CAMTA1: variants seen among roughly 807,000 people sequenced by gnomAD.
CAMTA1 encodes calmodulin binding transcription activator 1.
In CAMTA1, 27 loss-of-function variants were observed where a neutral mutation model predicts 170.9. The observed-to-expected ratio is 0.16, with a 90% CI of 0.12 to 0.22. The LOEUF is 0.22. Ranked by LOEUF, CAMTA1 falls within the 10% of genes least tolerant of loss-of-function variation. The pLI is 1.00. For missense variants in CAMTA1, 1,619 were observed against 2,217.2 expected, an observed-to-expected ratio of 0.73 and a Z score of 5.42; for synonymous variants, 833 against 891.5, an observed-to-expected ratio of 0.93 and a Z score of 1.17.
At chr1:7,340,548 G>GCCTC (rs1455641860) in intron 5 of CAMTA1, among the ~76,000 whole-genome samples, 6 of 102,570 alleles carry the variant, frequency 5.8e-5, no homozygotes, top group East Asian at 5.9e-4. Context: ...CTGCCTGCCT[G>GCCTC]CCTGCCTCCC....
At chr1:7,704,583 GC>G (rs980559288) in intron 11 of CAMTA1, among the ~76,000 whole-genome samples, 5 of 148,712 alleles carry the variant, frequency 3.4e-5, no homozygotes, top group Admixed American at 6.7e-5. Context: ...GCGGCTCCGC[GC>G]CCCGCACCAG....
In CAMTA1 at chr1:7,737,510, G is replaced by A. The variant is rs143998910; in HGVS notation, c.3598G>A (p.Glu1200Lys). The change falls in exon 15 of 23, where the codon GAA becomes AAA. Residue 1200 changes from glutamate to lysine, a missense_variant. By Grantham distance (56) the Glu-to-Lys change is moderately conservative. This residue lies in a region of CAMTA1 where 370 missense variants were observed against 429.4 expected (regional missense o/e 0.86). Transcript: ENST00000303635. ...TESWMAQWHS[E>K]AISSPEIPKG... ...GAGCTGGATGGCCCAGTGGCACAGCGAAGCCATCAGCTCTCCAGAAATACC... is the reference window on the plus strand; with the variant it reads ...GAGCTGGATGGCCCAGTGGCACAGCAAAGCCATCAGCTCTCCAGAAATACC... 106 of 1,614,010 alleles carry A rather than the reference G, an allele frequency of 6.6e-5. 1 individual carries two copies. In the Middle Eastern group the frequency reaches 1.2e-3, roughly 18 times the overall value.
chr1:6,965,997 G>A lies in CAMTA1; in HGVS notation c.235-125307G>A, dbSNP rs1691453668. Among the ~76,000 whole-genome samples, 1 of 151,996 alleles carries A rather than the reference G, an allele frequency of 6.6e-6. No homozygotes were observed. Among genetic ancestry groups the A allele is most frequent in the Non-Finnish European group, 1.5e-5 (1 of 68,012 alleles). On this transcript the variant is annotated intron_variant, in intron 3 of 22. Coordinates refer to ENST00000303635, the MANE Select transcript of CAMTA1 (RefSeq NM_015215.4). The surrounding 1 kb of genome is among the most constrained non-coding windows in gnomAD (Gnocchi z 4.1). ...GGTCAAGAACAAGCTAGGGCTTTGG[G>A]AGTGTGTGGGGGATCTCGGGGATGG...
intron 6 of CAMTA1, among the ~76,000 whole-genome samples, chr1:7,557,128 C>G (rs547008969): frequency 1.3e-5 from 2 of 151,950 alleles, no homozygotes; most frequent in Non-Finnish European, 2.9e-5. Flanking sequence ...GGCAACATGG[C>G]GAAACCCGGC....
chr1:7,570,320 C>T lies in CAMTA1; in HGVS notation c.511-70080C>T, dbSNP rs2095110116. On this transcript the variant is annotated intron_variant, in intron 6 of 22. Transcript: ENST00000303635. The surrounding 1 kb of genome is among the most constrained non-coding windows in gnomAD (Gnocchi z 4.3). ...AAAGTTCCTACATTCCACTGTAGGT[C>T]AATTACACTGTAACCTGAATTGGGG... Among the ~76,000 whole-genome samples the T allele has an allele frequency of 2.6e-5, 4 of 152,188 alleles. No homozygotes were observed. Among genetic ancestry groups the T allele is most frequent in the Admixed American group, 2.0e-4 (3 of 15,286 alleles).
At chr1:7,215,552 C>A (rs926351719) in intron 4 of CAMTA1, among the ~76,000 whole-genome samples, 7 of 152,152 alleles carry the variant, frequency 4.6e-5, no homozygotes, top group Non-Finnish European at 1.0e-4. Context: ...CACCACCACA[C>A]CTGGCTAATT....
At chr1:7,514,788 G>A (rs532155352) in intron 6 of CAMTA1, among the ~76,000 whole-genome samples, 1 of 152,270 alleles carries the variant, frequency 6.6e-6, no homozygotes, top group Non-Finnish European at 1.5e-5. Flanking sequence ...GAGCTGTGGG[G>A]CCTGGAGTGC....
chr1:7,002,023 A>T lies in CAMTA1; in HGVS notation c.235-89281A>T, dbSNP rs1264926446. Among the ~76,000 whole-genome samples, 4 of 151,336 alleles carry T rather than the reference A, an allele frequency of 2.6e-5. No individual in the cohort carries two copies. In the East Asian group the frequency reaches 7.8e-4, roughly 29 times the overall value. On this transcript the variant is annotated intron_variant, in intron 3 of 22. Transcript: ENST00000303635. ...GCAATTCTCCTGCCTCAGCATCCTG[A>T]GTAGCTGAGATTACAGGCGCCTACC...
chr1:7,177,767 C>G (rs756827265), intron 4 of CAMTA1, among the ~76,000 whole-genome samples: 9 of 151,324 alleles, frequency 5.9e-5, no homozygotes, highest in Non-Finnish European at 1.3e-4. Flanking sequence ...AAAGCCCTGC[C>G]CACACGCCAA....
chr1:6,913,920 G>A (rs1283349311), intron 3 of CAMTA1, among the ~76,000 whole-genome samples: 2 of 152,062 alleles, frequency 1.3e-5, no homozygotes, highest in East Asian at 3.9e-4. Context: ...CTGGAGCACA[G>A]GATTTCCATC....
intron 7 of CAMTA1, among the ~76,000 whole-genome samples, chr1:7,652,580 G>A (rs955834042): frequency 6.6e-6 from 1 of 152,180 alleles, no homozygotes; most frequent in African/African-American, 2.4e-5. Context: ...GGCAGGAGAC[G>A]AAGCTGGGCA....
rs1395784000 is a variant in CAMTA1, at chr1:7,634,892, C to T, written c.511-5508C>T. 6.6e-6 allele frequency among the ~76,000 whole-genome samples: 1 copy of T among 152,152 alleles called. No individual in the cohort carries two copies. ...CTGACCCTGCTCCCTGCAGCAGCCCCAGTGAGAAAGAGGCGCAGCTTCCAT... is the reference window on the plus strand; with the variant it reads ...CTGACCCTGCTCCCTGCAGCAGCCCTAGTGAGAAAGAGGCGCAGCTTCCAT... On this transcript the variant is annotated intron_variant, in intron 6 of 22. Coordinates refer to ENST00000303635, the MANE Select transcript of CAMTA1 (RefSeq NM_015215.4). The surrounding 1 kb of genome is among the most constrained non-coding windows in gnomAD (Gnocchi z 6.2).
chr1:7,349,533 G>A (rs908242909), intron 5 of CAMTA1, among the ~76,000 whole-genome samples: 2 of 152,222 alleles, frequency 1.3e-5, no homozygotes, highest in African/African-American at 2.4e-5. Flanking sequence ...GGCGACGTAC[G>A]CAGCAGCCTT....
intron 4 of CAMTA1, among the ~76,000 whole-genome samples, chr1:7,125,095 G>T (rs1310683096): frequency 2.6e-5 from 4 of 152,108 alleles, no homozygotes; most frequent in African/African-American, 9.7e-5. Flanking sequence ...TGTTGTCCCT[G>T]CTCCCTGAGT....
intron 3 of CAMTA1, among the ~76,000 whole-genome samples, chr1:6,943,495 C>T (rs1557865489): frequency 6.6e-6 from 1 of 152,186 alleles, no homozygotes; most frequent in Non-Finnish European, 1.5e-5. Flanking sequence ...TCAGCGTCTT[C>T]TCAACACGGC....
At chr1:7,408,983 ACTC>A (rs980947873) in intron 5 of CAMTA1, among the ~76,000 whole-genome samples, 1 of 151,822 alleles carries the variant, frequency 6.6e-6, no homozygotes, top group Non-Finnish European at 1.5e-5. Flanking sequence ...GCTCCAGAAC[ACTC>A]CTCCTGTCCC....
Position 6,832,814 on chromosome 1 carries a change from G to A in CAMTA1, c.234+7604G>A, listed in dbSNP as rs182634199. 2.0e-3 allele frequency among the ~76,000 whole-genome samples: 297 copies of A among 152,306 alleles called. 1 individual carries two copies. The highest frequency in any genetic ancestry group is 6.9e-3 in the African/African-American group (286 of 41,566). On this transcript the variant is annotated intron_variant, in intron 3 of 22. Transcript: ENST00000303635. ...TGAAAATGCATATAAACAACACAGA[G>A]AGCCAAGTTTTAAGAGTGACATTAT...
chr1:7,524,108 A>G (rs546442478), intron 6 of CAMTA1, among the ~76,000 whole-genome samples: 1 of 151,916 alleles, frequency 6.6e-6, no homozygotes, highest in African/African-American at 2.4e-5. Flanking sequence ...AGGCTGAGGC[A>G]GAAGAACTGC....
At chr1:7,484,854 CT>C (rs1257575370) in intron 6 of CAMTA1, among the ~76,000 whole-genome samples, 1 of 152,174 alleles carries the variant, frequency 6.6e-6, no homozygotes, top group African/African-American at 2.4e-5. Context: ...GTGATAACCC[CT>C]GATAGAGCCG....
Sources: gnomAD v4.1 joint callset for allele counts (sites outside exome capture counted in the v4.1 genomes callset) on GRCh38, gnomAD v4.1.1 for gene constraint, gnomAD v4.1.1 regional missense constraint, Gnocchi (gnomAD v3.1) non-coding constraint, MANE v1.5 for transcripts, NCBI Gene and HGNC (gene_info 2026-07-23, HGNC 2026-07-21) for gene names.